The following UNC5D variants were observed in gnomAD, a reference collection of about 807,000 sequenced individuals.
UNC5D encodes the protein netrin receptor UNC5D.
In UNC5D, 39 loss-of-function variants were observed where a neutral mutation model predicts 105.4. The ratio of observed to expected loss-of-function variants is 0.37; its 90% CI spans 0.29 to 0.48. The LOEUF (loss-of-function observed/expected upper bound fraction) is 0.48. UNC5D is among the 20% of genes least tolerant of loss of function. The pLI, the probability that UNC5D is intolerant of heterozygous loss-of-function variation, is 0.98. For missense variants in UNC5D, 991 were observed against 1,202.4 expected, an observed-to-expected ratio of 0.82 and a Z score of 2.60; for synonymous variants, 452 against 450.4, an observed-to-expected ratio of 1.00 and a Z score of -0.04.
At chr8:35,305,865 C>G (rs1277022521) in intron 1 of UNC5D, among the ~76,000 whole-genome samples, 1 of 127,762 alleles carries the variant, frequency 7.8e-6, no homozygotes, top group Non-Finnish European at 1.6e-5. Context: ...CCCTCCCCCT[C>G]CCTCCCTCTT....
chr8:35,403,199 T>A (rs1804583145), intron 1 of UNC5D, among the ~76,000 whole-genome samples: 1 of 152,256 alleles, frequency 6.6e-6, no homozygotes, highest in African/African-American at 2.4e-5. Context: ...TTGCTAAAGC[T>A]TGTTGGCCAG....
chr8:35,635,062 A>T (rs1331079939), intron 4 of UNC5D, among the ~76,000 whole-genome samples: 1 of 152,136 alleles, frequency 6.6e-6, no homozygotes, highest in Non-Finnish European at 1.5e-5. Context: ...CACTGTGCCC[A>T]GGTTGGATTT....
intron 7 of UNC5D, among the ~76,000 whole-genome samples, chr8:35,693,994 G>T (rs998874172): frequency 6.6e-6 from 1 of 152,044 alleles, no homozygotes; most frequent in Non-Finnish European, 1.5e-5. Flanking sequence ...CTTAGAGAGC[G>T]AGGAAAAAAA....
chr8:35,748,519 C>T lies in UNC5D; in HGVS notation c.1767-8C>T. On this transcript the variant is annotated splice_polypyrimidine_tract_variant and splice_region_variant and intron_variant, in intron 11 of 16. Transcript: ENST00000404895. ...CTTCTCTCTTCTATCCTTTTTTCAA[C>T]TGTGAAGCCTCCAGTCAGATGGCTC... 1 of 1,606,450 alleles carries T rather than the reference C, an allele frequency of 6.2e-7. No homozygotes were observed.
At chr8:35,544,488 C>G in intron 1 of UNC5D, 1 of 1,613,284 alleles carries the variant, frequency 6.2e-7, no homozygotes, top group South Asian at 1.1e-5. Context: ...GATGTCTGTG[C>G]TGGGACTTCC....
intron 16 of UNC5D, among the ~76,000 whole-genome samples, chr8:35,777,695 T>C (rs1212351265): frequency 2.0e-5 from 3 of 152,208 alleles, no homozygotes; most frequent in Non-Finnish European, 4.4e-5. Context: ...CAAATAGATA[T>C]GACTGTGTGC....
In UNC5D at chr8:35,670,403, G is replaced by A. The variant is rs189875161; in HGVS notation, c.571-13144G>A. Among the ~76,000 whole-genome samples, 482 of 152,260 alleles carry A rather than the reference G, an allele frequency of 3.2e-3. 3 individuals carry two copies. The highest frequency in any genetic ancestry group is 6.2e-3 in the South Asian group (30 of 4,820). On this transcript the variant is annotated intron_variant, in intron 4 of 16. Coordinates refer to ENST00000404895, the MANE Select transcript of UNC5D (RefSeq NM_080872.4). Reference sequence around the variant, plus strand: ...TTTTGATTCTACTTTGAAGACACATGTACATGTATGTTTATTGCAGCACTA... The same window carrying A: ...TTTTGATTCTACTTTGAAGACACATATACATGTATGTTTATTGCAGCACTA...
chr8:35,566,048 C>G (rs1410458910), intron 2 of UNC5D, among the ~76,000 whole-genome samples: 1 of 152,132 alleles, frequency 6.6e-6, no homozygotes, highest in South Asian at 2.1e-4. Context: ...CTTCTTTTCT[C>G]CTATTTGATT....
intron 1 of UNC5D, among the ~76,000 whole-genome samples, chr8:35,334,952 G>C (rs2128896368): frequency 1.3e-5 from 2 of 152,232 alleles, no homozygotes; most frequent in South Asian, 4.1e-4. Flanking sequence ...TCCATCCCTA[G>C]TCTTTACTTC....
intron 1 of UNC5D, among the ~76,000 whole-genome samples, chr8:35,326,948 A>G (rs1810212047): frequency 6.6e-6 from 1 of 152,198 alleles, no homozygotes; most frequent in South Asian, 2.1e-4. Flanking sequence ...TCCCTGAGGT[A>G]ACATCATATT....
intron 1 of UNC5D, among the ~76,000 whole-genome samples, chr8:35,393,188 A>T (rs1803885226): frequency 8.2e-6 from 1 of 122,620 alleles, no homozygotes; most frequent in Non-Finnish European, 1.6e-5. Context: ...GCTGGAGTGC[A>T]GTGGCGCAAT....
intron 4 of UNC5D, among the ~76,000 whole-genome samples, chr8:35,663,139 G>T (rs767691021): frequency 6.6e-6 from 1 of 152,146 alleles, no homozygotes; most frequent in South Asian, 2.1e-4. Context: ...CATCATGAAG[G>T]GGGGTTACTT....
At chr8:35,416,732 G>C (rs2128962203) in intron 1 of UNC5D, among the ~76,000 whole-genome samples, 1 of 152,184 alleles carries the variant, frequency 6.6e-6, no homozygotes, top group South Asian at 2.1e-4. Flanking sequence ...CATGGCCTTG[G>C]TTTACTTATG....
At chr8:35,577,429 T>G (rs1327941935) in intron 3 of UNC5D, among the ~76,000 whole-genome samples, 1 of 152,194 alleles carries the variant, frequency 6.6e-6, no homozygotes, top group South Asian at 2.1e-4. Context: ...GCCCCTCTAT[T>G]TGAACATGGG....
chr8:35,528,050 T>G (rs398047533), intron 1 of UNC5D, among the ~76,000 whole-genome samples: 11,258 of 150,768 alleles, frequency 0.075, 461 homozygotes, highest in Non-Finnish European at 0.086. Context: ...TTTTTTTTTT[T>G]TTTTTTTTTT....
intron 4 of UNC5D, among the ~76,000 whole-genome samples, chr8:35,621,874 A>C (rs1290604214): frequency 6.6e-6 from 1 of 152,180 alleles, no homozygotes; most frequent in Admixed American, 6.5e-5. Context: ...GCTCCACTTA[A>C]TGTGGCTGAA....
At chr8:35,767,111 C>T (rs535557296) in intron 15 of UNC5D, 45 bp downstream of exon 15, 14 of 1,555,682 alleles carry the variant, frequency 9.0e-6, no homozygotes, top group Admixed American at 3.6e-5. Context: ...TTCTGAAGGA[C>T]GATAAGAATA....
At chr8:35,611,756 T>C (rs563289703) in intron 4 of UNC5D, among the ~76,000 whole-genome samples, 7 of 152,352 alleles carry the variant, frequency 4.6e-5, no homozygotes, top group Admixed American at 4.6e-4. Context: ...GTTTGACCCT[T>C]GTTGTTTAGC....
chr8:35,706,082 T>A, intron 8 of UNC5D, 121 bp downstream of exon 8: 2 of 593,436 alleles, frequency 3.4e-6, no homozygotes, highest in East Asian at 7.9e-5. Flanking sequence ...TTTCGAGGCC[T>A]CTCCTCATTG....
Sources: gnomAD v4.1 joint callset for allele counts (sites outside exome capture counted in the v4.1 genomes callset) on GRCh38, gnomAD v4.1.1 for gene constraint, MANE v1.5 for transcripts, NCBI Gene and HGNC (gene_info 2026-07-23, HGNC 2026-07-21) for gene names.